The following KIF13B variants were observed in gnomAD, a reference collection of about 807,000 sequenced individuals.
The protein encoded by KIF13B is kinesin family member 13B.
KIF13B carries 127 observed loss-of-function variants against 222.0 expected under a neutral mutation model. That is an observed-to-expected ratio of 0.57 (90% CI 0.50 to 0.66). The LOEUF (loss-of-function observed/expected upper bound fraction) is 0.66. Among genes scored for constraint, KIF13B ranks in the 30% least tolerant of loss-of-function variants. The probability of loss-of-function intolerance (pLI) is 0.00; values close to 1 mark genes in which losing one functional copy is unlikely to be tolerated. For synonymous variants in KIF13B, 976 were observed against 919.0 expected, an observed-to-expected ratio of 1.06 and a Z score of -1.12; for missense variants, 2,173 against 2,379.0, an observed-to-expected ratio of 0.91 and a Z score of 1.80.
At chr8:29,107,899 A>G (rs979381671) in intron 35 of KIF13B, among the ~76,000 whole-genome samples, 7 of 152,210 alleles carry the variant, frequency 4.6e-5, no homozygotes, top group Admixed American at 4.6e-4. Context: ...GGAAATTTAG[A>G]CAGAAGTACG....
chr8:29,186,547 A>C, intron 5 of KIF13B, 75 bp from the exon 6 acceptor site: 3 of 1,284,118 alleles, frequency 2.3e-6, no homozygotes, highest in Non-Finnish European at 3.2e-6. Flanking sequence ...CGTTGCTCAT[A>C]ATAAACACTT....
intron 2 of KIF13B, among the ~76,000 whole-genome samples, chr8:29,236,662 T>C (rs1815522725): frequency 6.6e-6 from 1 of 152,160 alleles, no homozygotes; most frequent in African/African-American, 2.4e-5. Context: ...ATTAAAAGTA[T>C]ATATAAATTA....
rs1205691203 is a variant in KIF13B, at chr8:29,071,734, G to A, written c.5104C>T (p.Arg1702Ter). 1 of 1,549,952 alleles carries A rather than the reference G, an allele frequency of 6.5e-7. No individual in the cohort carries two copies. The highest frequency in any genetic ancestry group is 8.7e-7 in the Non-Finnish European group (1 of 1,146,648). ...EEADEVPEWL[R>*]EGEFVTVGAH... is the part of the protein sequence containing the mutation. ...CCCACGGTGACGAACTCGCCCTCTC[G>A]GAGCCACTCCGGGACCTCGTCAGCT... The change falls in exon 39 of 40, where the codon CGA (arginine) becomes TGA (stop). Residue 1702 changes from arginine (R) to a stop codon, truncating the protein, a stop_gained. Transcript: ENST00000524189. LOFTEE classifies it high-confidence loss of function. The surrounding 1 kb of genome is among the most constrained non-coding windows in gnomAD (Gnocchi z 4.9).
At chr8:29,159,204 G>A (rs1018294427) in intron 13 of KIF13B, among the ~76,000 whole-genome samples, 6 of 152,130 alleles carry the variant, frequency 3.9e-5, no homozygotes, top group African/African-American at 1.2e-4. Context: ...AGGCTGGGAT[G>A]CAGTGGCATG....
intron 37 of KIF13B, among the ~76,000 whole-genome samples, chr8:29,089,170 C>T (rs150928603): frequency 1.6e-4 from 25 of 152,362 alleles, no homozygotes; most frequent in South Asian, 6.2e-4. Flanking sequence ...GGCATGGTGG[C>T]TCACGCCTAT....
At chr8:29,098,310 C>G (rs1808634031) in intron 36 of KIF13B, among the ~76,000 whole-genome samples, 1 of 150,570 alleles carries the variant, frequency 6.6e-6, no homozygotes, top group Non-Finnish European at 1.5e-5. Context: ...TATTCCCATA[C>G]TAAATAAACT....
intron 36 of KIF13B, among the ~76,000 whole-genome samples, chr8:29,098,717 T>C (rs1808655648): frequency 6.7e-6 from 1 of 149,204 alleles, no homozygotes; most frequent in Non-Finnish European, 1.5e-5. Flanking sequence ...GAAGAGGTAA[T>C]ACTAATCTTA....
chr8:29,108,897 G>C (rs984288908), intron 34 of KIF13B, among the ~76,000 whole-genome samples: 6 of 152,196 alleles, frequency 3.9e-5, no homozygotes, highest in South Asian at 4.1e-4. Context: ...AAGCGGCCAA[G>C]AGCCTATTTC....
intron 37 of KIF13B, among the ~76,000 whole-genome samples, chr8:29,089,346 G>A (rs145581540): frequency 1.1e-3 from 169 of 152,236 alleles, no homozygotes; most frequent in African/African-American, 4.0e-3. Flanking sequence ...GACTGAGGGT[G>A]GAGGATTCCC....
intron 26 of KIF13B, among the ~76,000 whole-genome samples, chr8:29,125,925 T>C (rs1473558607): frequency 6.6e-6 from 1 of 151,818 alleles, no homozygotes; most frequent in South Asian, 2.1e-4. Flanking sequence ...GGGCCAACAT[T>C]GTGAAACCCC....
Position 29,123,489 on chromosome 8 carries a change from T to A in KIF13B, c.3356A>T (p.Lys1119Ile), listed in dbSNP as rs371574802. The A allele has an allele frequency of 1.4e-5, 23 of 1,613,870 alleles. No individual in the cohort carries two copies. In the African/African-American group the frequency reaches 2.7e-4, roughly 19 times the overall value. ...TTCACGGTCAGCATCATCCTCTGTT[T>A]TATCTAGAACATCGAGAATGAGGAT... Reference protein sequence around the residue: ...QLQKLVSKRDKTEDDADREAQ... With the variant: ...QLQKLVSKRDITEDDADREAQ... Residue 1119 changes from lysine (K) to isoleucine (I), a missense_variant, in exon 28 of 40, where the codon AAA (lysine) becomes ATA (isoleucine). Physicochemically the swap from Lys to Ile is moderately radical, Grantham distance 102. Transcript: ENST00000524189.
At chr8:29,128,672 T>C (rs1359938941) in intron 24 of KIF13B, among the ~76,000 whole-genome samples, 3 of 152,260 alleles carry the variant, frequency 2.0e-5, no homozygotes, top group East Asian at 3.9e-4. Flanking sequence ...GAAGGGAAGA[T>C]TCCTAAGGAG....
Position 29,140,368 on chromosome 8 carries a change from A to C in KIF13B, c.2484+100T>G, listed in dbSNP as rs191872490. The stretch of plus-strand genomic sequence containing the variant: ...TCCTTGGAAACACAAGGTATTAATA[A>C]GACACGTTACTGACAAAAAATAGCA... On this transcript the variant is annotated intron_variant, in intron 20 of 39. Transcript: ENST00000524189. The C allele has an allele frequency of 4.7e-4, 662 of 1,414,374 alleles. 6 individuals are homozygous for C. In the African/African-American group the frequency reaches 8.3e-3, roughly 18 times the overall value. 87.6% of individuals were successfully genotyped at this position (1,414,374 alleles called of 1,614,324 possible). A position where few individuals can be genotyped will look rare whatever the true frequency, so the allele number is the denominator to read the frequency against.
intron 32 of KIF13B, among the ~76,000 whole-genome samples, chr8:29,112,899 A>C (rs1043364783): frequency 7.2e-5 from 11 of 152,270 alleles, no homozygotes; most frequent in African/African-American, 2.7e-4. Context: ...TATCTCAATT[A>C]GTTCAGAAAG....
intron 10 of KIF13B, among the ~76,000 whole-genome samples, chr8:29,174,216 C>A (rs1475894527): frequency 6.6e-6 from 1 of 151,994 alleles, no homozygotes; most frequent in African/African-American, 2.4e-5. Flanking sequence ...ACTTAATATC[C>A]TATATAACTG....
chr8:29,213,511 A>G (rs2130486379), intron 2 of KIF13B, among the ~76,000 whole-genome samples: 1 of 152,374 alleles, frequency 6.6e-6, no homozygotes, highest in East Asian at 1.9e-4. Context: ...TGCAAGCACC[A>G]TAGAATGTAT....
chr8:29,109,825 T>C, intron 33 of KIF13B, 93 bp downstream of exon 33: 1 of 1,227,638 alleles, frequency 8.1e-7, no homozygotes, highest in South Asian at 1.5e-5. Context: ...CTTCAAATGT[T>C]AGGTGCAACA....
chr8:29,146,551 AT>A lies in KIF13B; in HGVS notation c.2025-12del. On this transcript the variant is annotated splice_polypyrimidine_tract_variant and intron_variant, in intron 17 of 39. Transcript: ENST00000524189. ...TTCAACGTTGCTTCTCTAAAAAAAA[AT>A]AAAGAAGCGGCAGAGGTAGGGAAGA... 2 of 1,610,220 alleles carry A rather than the reference AT, an allele frequency of 1.2e-6. No homozygotes were observed. The highest frequency in any genetic ancestry group is 2.2e-5 in the South Asian group (2 of 90,572).
intron 36 of KIF13B, among the ~76,000 whole-genome samples, chr8:29,095,724 G>A (rs1056154595): frequency 1.3e-5 from 2 of 152,052 alleles, no homozygotes; most frequent in African/African-American, 4.8e-5. Flanking sequence ...CCAACATCAG[G>A]CCACTGCACT....
Sources: gnomAD v4.1 joint callset for allele counts (sites outside exome capture counted in the v4.1 genomes callset) on GRCh38, gnomAD v4.1.1 for gene constraint, Gnocchi (gnomAD v3.1) non-coding constraint, MANE v1.5 for transcripts, NCBI Gene and HGNC (gene_info 2026-07-23, HGNC 2026-07-21) for gene names.